LRP1B: variants seen among roughly 807,000 people sequenced by gnomAD.
LRP1B encodes the protein LDL receptor related protein 1B.
A neutral mutation model predicts 556.6 loss-of-function variants in LRP1B; 217 were observed. That is an observed-to-expected ratio of 0.39 (90% CI 0.35 to 0.44). The LOEUF is 0.44. Among genes scored for constraint, LRP1B ranks in the 20% least tolerant of loss-of-function variants. The probability of loss-of-function intolerance (pLI) is 1.00; values close to 1 mark genes in which losing one functional copy is unlikely to be tolerated. For synonymous variants in LRP1B, 2,047 were observed against 1,865.8 expected, an observed-to-expected ratio of 1.10 and a Z score of -2.50; for missense variants, 5,053 against 5,620.8, an observed-to-expected ratio of 0.90 and a Z score of 3.23.
intron 3 of LRP1B, among the ~76,000 whole-genome samples, chr2:141,316,828 T>C (rs964030762): frequency 6.6e-6 from 1 of 152,218 alleles, no homozygotes; most frequent in Admixed American, 6.5e-5. Flanking sequence ...GCTTCATAAA[T>C]CTCTACTCAT....
At chr2:141,651,196 G>A (rs775747918) in intron 2 of LRP1B, among the ~76,000 whole-genome samples, 11 of 151,946 alleles carry the variant, frequency 7.2e-5, no homozygotes, top group Admixed American at 1.3e-4. Flanking sequence ...TCAATATTAT[G>A]TCTACTGTAA....
chr2:141,624,106 T>C (rs1688618454), intron 2 of LRP1B, among the ~76,000 whole-genome samples: 1 of 148,282 alleles, frequency 6.7e-6, no homozygotes, highest in Non-Finnish European at 1.5e-5. Context: ...GGAATAAAAT[T>C]AGTAAAGGGT....
chr2:141,554,366 G>GATTATATATCTATAGGAATAGATATAC (rs1464559481), intron 2 of LRP1B, among the ~76,000 whole-genome samples: 15 of 149,076 alleles, frequency 1.0e-4, no homozygotes, highest in South Asian at 2.1e-4. Flanking sequence ...CATAGATATA[G>GATTATATATCTATAGGAATAGATATAC]ATTATATATC....
At chr2:140,823,161 T>C (rs955972959) in intron 31 of LRP1B, among the ~76,000 whole-genome samples, 13 of 152,174 alleles carry the variant, frequency 8.5e-5, no homozygotes, top group African/African-American at 3.1e-4. Context: ...GTAATTGCTA[T>C]GAGCTAATTG....
intron 45 of LRP1B, among the ~76,000 whole-genome samples, chr2:140,538,981 A>G (rs1295203102): frequency 2.0e-5 from 3 of 152,140 alleles, no homozygotes; most frequent in Non-Finnish European, 4.4e-5. Context: ...CATTTGATGA[A>G]ATAGTATTGA....
chr2:141,256,340 C>T (rs1684464872), intron 3 of LRP1B, among the ~76,000 whole-genome samples: 1 of 151,750 alleles, frequency 6.6e-6, no homozygotes, highest in Non-Finnish European at 1.5e-5. Flanking sequence ...ATAACGAACG[C>T]TGCATTGCTA....
chr2:141,557,490 A>G (rs1483020874), intron 2 of LRP1B, among the ~76,000 whole-genome samples: 2 of 151,926 alleles, frequency 1.3e-5, no homozygotes, highest in Non-Finnish European at 2.9e-5. Context: ...TGGCAGCTGC[A>G]TGTGGCAATA....
intron 66 of LRP1B, among the ~76,000 whole-genome samples, chr2:140,388,049 G>T (rs1399610609): frequency 1.3e-5 from 2 of 151,034 alleles, no homozygotes; most frequent in Admixed American, 1.3e-4. Flanking sequence ...TGATTCTCCT[G>T]CCTCAGCCTC....
intron 2 of LRP1B, among the ~76,000 whole-genome samples, chr2:141,703,926 C>A (rs1257263323): frequency 6.6e-6 from 1 of 151,834 alleles, no homozygotes; most frequent in Admixed American, 6.6e-5. Flanking sequence ...ACAAAGGATG[C>A]CTGAAGTTGC....
At chr2:141,462,598 C>T (rs1457950764) in intron 3 of LRP1B, among the ~76,000 whole-genome samples, 5 of 151,994 alleles carry the variant, frequency 3.3e-5, no homozygotes, top group Non-Finnish European at 7.4e-5. Flanking sequence ...AACCATGGCA[C>T]ATGTATACCT....
intron 3 of LRP1B, among the ~76,000 whole-genome samples, chr2:141,404,489 A>G (rs889269933): frequency 1.3e-5 from 2 of 152,190 alleles, no homozygotes; most frequent in African/African-American, 4.8e-5. Flanking sequence ...TGCATTTGTT[A>G]TGCTTTTAGC....
chr2:141,919,337 G>A (rs1444909964), intron 1 of LRP1B, among the ~76,000 whole-genome samples: 2 of 151,940 alleles, frequency 1.3e-5, no homozygotes, highest in African/African-American at 4.8e-5. Flanking sequence ...CTTCAAACAG[G>A]TCTTAGATTT....
At chr2:142,074,139 T>G (rs1468004692) in intron 1 of LRP1B, among the ~76,000 whole-genome samples, 1 of 152,004 alleles carries the variant, frequency 6.6e-6, no homozygotes, top group East Asian at 1.9e-4. Context: ...GCTTGTAATT[T>G]ATCACCCCTC....
chr2:141,312,552 C>T lies in LRP1B; in HGVS notation c.344-57911G>A, dbSNP rs1034071872. ...TGTGTGGAGATGGTTAAAAGGTCAACGGTACTTAAGTGGTTGTGACAAGAA... is the reference window on the plus strand; with the variant it reads ...TGTGTGGAGATGGTTAAAAGGTCAATGGTACTTAAGTGGTTGTGACAAGAA... On this transcript the variant is annotated intron_variant, in intron 3 of 90. Transcript: ENST00000389484. 7.2e-5 allele frequency among the ~76,000 whole-genome samples: 11 copies of T among 151,968 alleles called. 1 individual carries two copies. Among genetic ancestry groups the T allele is most frequent in the African/African-American group, 1.5e-4 (6 of 41,364 alleles).
chr2:142,109,945 A>T (rs913405648), intron 1 of LRP1B, among the ~76,000 whole-genome samples: 2 of 152,152 alleles, frequency 1.3e-5, no homozygotes, highest in African/African-American at 4.8e-5. Context: ...GTCAACATTT[A>T]AAAGTGATGC....
intron 3 of LRP1B, among the ~76,000 whole-genome samples, chr2:141,276,011 A>C (rs1685271599): frequency 6.6e-6 from 1 of 152,208 alleles, no homozygotes; most frequent in African/African-American, 2.4e-5. Context: ...TTTCACATAT[A>C]ATCAGTGCAA....
At chr2:140,436,878 A>C in intron 66 of LRP1B, among the ~76,000 whole-genome samples, 1 of 152,304 alleles carries the variant, frequency 6.6e-6, no homozygotes, top group African/African-American at 2.4e-5. Flanking sequence ...GAAAAGGCCA[A>C]GCTTCTAGGA....
chr2:141,290,745 T>C (rs1375294017), intron 3 of LRP1B, among the ~76,000 whole-genome samples: 1 of 152,064 alleles, frequency 6.6e-6, no homozygotes, highest in East Asian at 1.9e-4. Context: ...TTATGAGACA[T>C]GGAGATTTGT....
intron 87 of LRP1B, 109 bp downstream of exon 87, chr2:140,246,977 T>C (rs1681192052): frequency 1.3e-6 from 1 of 743,830 alleles, no homozygotes; most frequent in Admixed American, 2.2e-5. Flanking sequence ...GTGGATCTCT[T>C]ATAAAATTCC....
Sources: gnomAD v4.1 joint callset for allele counts (sites outside exome capture counted in the v4.1 genomes callset) on GRCh38, gnomAD v4.1.1 for gene constraint, MANE v1.5 for transcripts, NCBI Gene and HGNC (gene_info 2026-07-23, HGNC 2026-07-21) for gene names.